DYNC1I1: variants seen among roughly 807,000 people sequenced by gnomAD.
DYNC1I1 encodes dynein cytoplasmic 1 intermediate chain 1.
In DYNC1I1, 43 loss-of-function variants were observed where a neutral mutation model predicts 86.6. The ratio of observed to expected loss-of-function variants is 0.50; its 90% CI spans 0.39 to 0.64. DYNC1I1 has a LOEUF of 0.64. Among genes scored for constraint, DYNC1I1 ranks in the 30% least tolerant of loss-of-function variants. DYNC1I1 has a pLI of 0.00. For synonymous variants in DYNC1I1, 262 were observed against 283.7 expected (o/e 0.92, Z 0.77); for missense variants, 604 against 788.8 (o/e 0.77, Z 2.81).
rs116500551 is a variant in DYNC1I1 at position 95,890,237 on chromosome 7, A to G, written c.490+20239A>G. Among the ~76,000 whole-genome samples the G allele has an allele frequency of 8.0e-3, 1,222 of 152,350 alleles. 12 individuals carry two copies. The highest frequency in any genetic ancestry group is 0.028 in the African/African-American group (1,158 of 41,578). On this transcript the variant is annotated intron_variant, in intron 6 of 16. Transcript: ENST00000447467. ...AAAATGCGGTGCATATATACCATGG[A>G]ATACTATGCAGCCATAAAAAGAATG...
At chr7:95,828,902 C>T (rs570834101) in intron 5 of DYNC1I1, among the ~76,000 whole-genome samples, 6 of 152,186 alleles carry the variant, frequency 3.9e-5, no homozygotes, top group South Asian at 4.1e-4. Flanking sequence ...GAGCTGATTG[C>T]GCATTTCTCT....
At chr7:96,100,118 C>G (rs982706339), downstream of DYNC1I1, among the ~76,000 whole-genome samples, 2 of 152,144 alleles carry the variant, frequency 1.3e-5, no homozygotes, top group African/African-American at 4.8e-5. Context: ...AACCCATTAC[C>G]AAGTTTGACC....
At chr7:95,978,921 G>A (rs921493573) in intron 7 of DYNC1I1, among the ~76,000 whole-genome samples, 49 of 152,056 alleles carry the variant, frequency 3.2e-4, no homozygotes, top group East Asian at 7.8e-4. Context: ...TTAGCATCCC[G>A]AGTAGCTGAG....
intron 6 of DYNC1I1, among the ~76,000 whole-genome samples, chr7:95,940,384 G>A (rs1207579699): frequency 6.6e-6 from 1 of 152,144 alleles, no homozygotes; most frequent in Non-Finnish European, 1.5e-5. Flanking sequence ...ATAATATCCT[G>A]CAGAGTGTTT....
chr7:95,812,655 A>G (rs1794855304), intron 3 of DYNC1I1, among the ~76,000 whole-genome samples: 1 of 152,178 alleles, frequency 6.6e-6, no homozygotes, highest in African/African-American at 2.4e-5. Context: ...GTTTTGAAAG[A>G]GACTTTTTAA....
intron 6 of DYNC1I1, among the ~76,000 whole-genome samples, chr7:95,900,311 T>C (rs1171347630): frequency 6.6e-6 from 1 of 152,146 alleles, no homozygotes; most frequent in African/African-American, 2.4e-5. Context: ...AAACAACCCA[T>C]ACAAGAGTTT....
At chr7:95,782,093 G>A (rs893143847) in intron 1 of DYNC1I1, among the ~76,000 whole-genome samples, 1 of 152,166 alleles carries the variant, frequency 6.6e-6, no homozygotes, top group East Asian at 1.9e-4. Flanking sequence ...GCTTCCTCTT[G>A]ATATATACTT....
chr7:95,870,076 C>G (rs1328870007), intron 6 of DYNC1I1, 78 bp downstream of exon 6: 2 of 1,261,938 alleles, frequency 1.6e-6, no homozygotes, highest in Non-Finnish European at 2.2e-6. Flanking sequence ...TTGTTGATTT[C>G]CTCTTACCAT....
intron 6 of DYNC1I1, among the ~76,000 whole-genome samples, chr7:95,972,083 C>A (rs1251088788): frequency 6.6e-6 from 1 of 152,136 alleles, no homozygotes; most frequent in Non-Finnish European, 1.5e-5. Flanking sequence ...AAAACACAAA[C>A]CCCTCTCTTC....
chr7:95,889,866 G>A (rs1562934750), intron 6 of DYNC1I1, among the ~76,000 whole-genome samples: 1 of 152,320 alleles, frequency 6.6e-6, no homozygotes, highest in East Asian at 1.9e-4. Context: ...CTGATCATGA[G>A]AGAAATGCAA....
chr7:95,998,491 T>A (rs1293503252), intron 10 of DYNC1I1, among the ~76,000 whole-genome samples: 1 of 152,258 alleles, frequency 6.6e-6, no homozygotes, highest in African/African-American at 2.4e-5. Flanking sequence ...CTTCACTCAC[T>A]GACCTATAAC....
At chr7:95,917,367 T>A (rs902164710) in intron 6 of DYNC1I1, among the ~76,000 whole-genome samples, 2 of 152,178 alleles carry the variant, frequency 1.3e-5, no homozygotes, top group African/African-American at 4.8e-5. Flanking sequence ...AGCACCTCCA[T>A]TCTTTGAGAT....
intron 6 of DYNC1I1, among the ~76,000 whole-genome samples, chr7:95,880,359 A>G (rs1462225051): frequency 6.6e-6 from 1 of 151,206 alleles, no homozygotes; most frequent in Non-Finnish European, 1.5e-5. Context: ...TGCATACTCC[A>G]CCCCCAGAGG....
At chr7:95,792,239 A>G (rs1398729198) in intron 1 of DYNC1I1, among the ~76,000 whole-genome samples, 1 of 152,182 alleles carries the variant, frequency 6.6e-6, no homozygotes, top group Admixed American at 6.5e-5. Flanking sequence ...AGGGTACTCT[A>G]ACAGCACCGG....
chr7:95,838,499 A>C (rs1410353288), intron 5 of DYNC1I1, among the ~76,000 whole-genome samples: 1 of 152,202 alleles, frequency 6.6e-6, no homozygotes, highest in African/African-American at 2.4e-5. Flanking sequence ...ATACCTTTCT[A>C]AAGATTGCTT....
At chr7:96,058,209 A>G (rs1157823412) in intron 14 of DYNC1I1, among the ~76,000 whole-genome samples, 3 of 152,204 alleles carry the variant, frequency 2.0e-5, no homozygotes, top group Non-Finnish European at 4.4e-5. Context: ...GATTTGTTAG[A>G]TTTTATCAAT....
At chr7:95,831,276 C>A (rs1264959014) in intron 5 of DYNC1I1, among the ~76,000 whole-genome samples, 1 of 152,100 alleles carries the variant, frequency 6.6e-6, no homozygotes, top group African/African-American at 2.4e-5. Flanking sequence ...CTTTTGTTAA[C>A]ATAATGTTGA....
chr7:95,823,693 C>G (rs1013588162), intron 4 of DYNC1I1, among the ~76,000 whole-genome samples: 2 of 151,898 alleles, frequency 1.3e-5, no homozygotes, highest in African/African-American at 4.8e-5. Context: ...TCTGGCTTCC[C>G]AGGAAGCGGG....
intron 10 of DYNC1I1, among the ~76,000 whole-genome samples, chr7:96,015,391 C>T (rs1032296762): frequency 2.6e-5 from 4 of 152,054 alleles, no homozygotes; most frequent in Non-Finnish European, 5.9e-5. Flanking sequence ...GACTCTTTTT[C>T]CTGAACTGGA....
Sources: allele counts gnomAD v4.1 joint callset (sites outside exome capture counted in the v4.1 genomes callset), GRCh38; gene constraint gnomAD v4.1.1; transcripts MANE v1.5; gene names NCBI Gene and HGNC (gene_info 2026-07-23, HGNC 2026-07-21).